MED26: variants seen among roughly 807,000 people sequenced by gnomAD.
MED26 encodes the protein mediator of RNA polymerase II transcription subunit 26.
A neutral mutation model predicts 43.7 loss-of-function variants in MED26; 7 were observed. That is an observed-to-expected ratio of 0.16 (90% CI 0.09 to 0.30). The LOEUF (loss-of-function observed/expected upper bound fraction) is 0.30, where lower values mean the gene tolerates loss of function less well. Ranked by LOEUF, MED26 falls within the 10% of genes least tolerant of loss-of-function variation. The pLI is 1.00. For missense variants in MED26, 784 were observed against 840.6 expected (o/e 0.93, Z 0.83); for synonymous variants, 375 against 371.1 (o/e 1.01, Z -0.12).
chr19:16,577,351 C>T lies in MED26; in HGVS notation c.479G>A (p.Gly160Glu), dbSNP rs200593026. The T allele has an allele frequency of 6.2e-7, 1 of 1,611,674 alleles. No homozygotes were observed. The highest frequency in any genetic ancestry group is 8.5e-7 in the Non-Finnish European group (1 of 1,179,128). ...RGDQRDLGHP[G>E]PPPKVSKASH... Reference sequence around the variant, plus strand: ...AGCTTTGGAGACCTTGGGTGGCGGCCCTGGGTGGCCGAGGTCACGCTGGTC... The same window carrying T: ...AGCTTTGGAGACCTTGGGTGGCGGCTCTGGGTGGCCGAGGTCACGCTGGTC... Residue 160 changes from glycine to glutamate, a missense_variant, in exon 3 of 3, where the codon GGG (glycine) becomes GAG (glutamate). Physicochemically the swap from Gly to Glu is moderately conservative, Grantham distance 98. This residue lies in a region of MED26 where 719 missense variants were observed against 730.9 expected (regional missense o/e 0.98). Coordinates refer to ENST00000263390, the MANE Select transcript of MED26 (RefSeq NM_004831.5). The surrounding 1 kb of genome is among the most constrained non-coding windows in gnomAD (Gnocchi z 8.1).
chr19:16,595,357 G>A (rs1474753485), intron 1 of MED26, among the ~76,000 whole-genome samples: 2 of 152,152 alleles, frequency 1.3e-5, no homozygotes, highest in African/African-American at 4.8e-5. Context: ...TGACTTGATT[G>A]TGCACGTGCT....
Position 16,576,125 on chromosome 19 carries a change from T to C in MED26, c.1705A>G (p.Thr569Ala), listed in dbSNP as rs746190304. 1.9e-6 allele frequency: 3 copies of C among 1,613,998 alleles called. No homozygotes were observed. Among genetic ancestry groups the C allele is most frequent in the South Asian group, 2.2e-5 (2 of 91,092 alleles). ...QWPGVNGCQDTQGNWYDWTQC... is the reference protein window; with the variant it reads ...QWPGVNGCQDAQGNWYDWTQC... ...GTCCAGTCATACCAGTTACCCTGTG[T>C]GTCCTGACACCCGTTCACCCCCGGC... Residue 569 changes from threonine to alanine, a missense_variant, in exon 3 of 3, where the codon ACA becomes GCA. This residue lies in a region of MED26 where 719 missense variants were observed against 730.9 expected (regional missense o/e 0.98). Transcript: ENST00000263390. The surrounding 1 kb of genome is among the most constrained non-coding windows in gnomAD (Gnocchi z 6.8).
chr19:16,578,268 G>T, intron 2 of MED26, 67 bp downstream of exon 2: 1 of 1,408,176 alleles, frequency 7.1e-7, no homozygotes, highest in Non-Finnish European at 1.0e-6. Context: ...GCTGCGGAAG[G>T]ACCTGGTTGG....
Position 16,576,883 on chromosome 19 carries a change from A to C in MED26, c.947T>G (p.Leu316Arg), listed in dbSNP as rs759010042. ...GGGTGTGGACGGCTGTGCCAGTGGA[A>C]GCGGTGACGGCACCTGTGTGGCATC... Reference protein sequence around the residue: ...ALDATQVPSPLPLAQPSTPPV... With the variant: ...ALDATQVPSPRPLAQPSTPPV... Residue 316 changes from leucine (L) to arginine (R), a missense_variant, in exon 3 of 3, where the codon CTT (leucine) becomes CGT (arginine). Physicochemically the swap from Leu to Arg is moderately radical, Grantham distance 102. Coordinates refer to ENST00000263390, the MANE Select transcript of MED26 (RefSeq NM_004831.5). This position sits in a 1 kb window ranked among gnomAD's most constrained non-coding sequence, Gnocchi z 6.8. 5.3e-5 allele frequency: 86 copies of C among 1,608,422 alleles called. No homozygotes were observed. The highest frequency in any genetic ancestry group is 6.8e-6 in the Non-Finnish European group (8 of 1,177,254).
At chr19:16,579,890 C>CT (rs2086035985) in intron 1 of MED26, among the ~76,000 whole-genome samples, 1 of 152,216 alleles carries the variant, frequency 6.6e-6, no homozygotes, top group Non-Finnish European at 1.5e-5. Context: ...CAAAACCAAA[C>CT]TGACAGTGGT....
chr19:16,579,706 C>G (rs528756983), intron 1 of MED26, among the ~76,000 whole-genome samples: 2 of 152,196 alleles, frequency 1.3e-5, no homozygotes, highest in East Asian at 1.9e-4. Flanking sequence ...AACTCCCCCC[C>G]ACCCCAACAT....
intron 1 of MED26, among the ~76,000 whole-genome samples, chr19:16,594,662 C>A (rs755644157): frequency 2.6e-5 from 4 of 152,052 alleles, no homozygotes; most frequent in Non-Finnish European, 5.9e-5. Flanking sequence ...GGGGAAAAAA[C>A]CAGAACTTTC....
intron 1 of MED26, chr19:16,588,331 T>C (rs1162069242): frequency 6.6e-6 from 1 of 152,252 alleles, no homozygotes; most frequent in Non-Finnish European, 1.5e-5. Context: ...GCTCGGCCCA[T>C]ATATGTTCCG....
chr19:16,606,471 C>A (rs1023685967), intron 1 of MED26, among the ~76,000 whole-genome samples: 1 of 152,174 alleles, frequency 6.6e-6, no homozygotes, highest in African/African-American at 2.4e-5. Flanking sequence ...ATTGCTTGAA[C>A]CCGGGAGGCA....
intron 1 of MED26, among the ~76,000 whole-genome samples, chr19:16,598,403 C>T (rs1903424788): frequency 6.6e-6 from 1 of 151,770 alleles, no homozygotes; most frequent in Non-Finnish European, 1.5e-5. Context: ...ACCCCACCCC[C>T]AGAAGGTCGG....
At chr19:16,627,405 A>C (rs1387345779) in intron 1 of MED26, among the ~76,000 whole-genome samples, 1 of 152,132 alleles carries the variant, frequency 6.6e-6, no homozygotes, top group Non-Finnish European at 1.5e-5. Flanking sequence ...GGGAAGAAGG[A>C]CTTCCCTGAT....
chr19:16,579,690 T>C lies in MED26; in HGVS notation c.73-1281A>G, dbSNP rs2086034795. Among the ~76,000 whole-genome samples the C allele has an allele frequency of 3.3e-5, 5 of 152,032 alleles. No individual in the cohort carries two copies. The South Asian group carries it at 1.0e-3, about 32-fold the overall frequency. ...CCCTGAGGAAACCACAGTGAGTAGA[T>C]TACTCAACTCCCCCCCACCCCAACA... is the stretch of plus-strand genomic sequence containing the variant. On this transcript the variant is annotated intron_variant, in intron 1 of 2. Transcript: ENST00000263390.
intron 1 of MED26, among the ~76,000 whole-genome samples, chr19:16,585,256 G>A (rs62116874): frequency 2.4e-3 from 370 of 152,240 alleles, no homozygotes; most frequent in Non-Finnish European, 4.0e-3. Flanking sequence ...GTGTCCTCAC[G>A]CCTCTCTTCT....
intron 1 of MED26, among the ~76,000 whole-genome samples, chr19:16,593,331 G>A (rs920862010): frequency 4.6e-5 from 7 of 152,146 alleles, no homozygotes; most frequent in Admixed American, 3.9e-4. Context: ...CTCCTCCCCT[G>A]GTCATCTGGC....
chr19:16,590,174 A>G (rs1304864847), intron 1 of MED26, among the ~76,000 whole-genome samples: 1 of 152,200 alleles, frequency 6.6e-6, no homozygotes, highest in East Asian at 1.9e-4. Flanking sequence ...GGCAGCACCC[A>G]CTGGGCATGG....
intron 1 of MED26, among the ~76,000 whole-genome samples, chr19:16,625,994 A>G (rs1267120871): frequency 6.6e-6 from 1 of 152,198 alleles, no homozygotes. Context: ...TAACATAACC[A>G]GGGACCTATA....
At chr19:16,608,734 G>A (rs951350779) in intron 1 of MED26, among the ~76,000 whole-genome samples, 2 of 152,220 alleles carry the variant, frequency 1.3e-5, no homozygotes, top group Non-Finnish European at 2.9e-5. Flanking sequence ...GTCTCTGGCT[G>A]CTTTTGTGCT....
At chr19:16,625,721 C>G (rs1284142966) in intron 1 of MED26, among the ~76,000 whole-genome samples, 1 of 152,154 alleles carries the variant, frequency 6.6e-6, no homozygotes, top group Non-Finnish European at 1.5e-5. Context: ...CTGACATGCC[C>G]GGCTCTCACC....
At chr19:16,590,341 T>C (rs2086090088) in intron 1 of MED26, among the ~76,000 whole-genome samples, 2 of 152,190 alleles carry the variant, frequency 1.3e-5, no homozygotes, top group Admixed American at 6.5e-5. Context: ...CCTAACCTGC[T>C]ACCCCATGCA....
Sources: allele counts gnomAD v4.1 joint callset (sites outside exome capture counted in the v4.1 genomes callset), GRCh38; gene constraint gnomAD v4.1.1; regional missense constraint gnomAD v4.1.1; non-coding constraint Gnocchi (gnomAD v3.1); transcripts MANE v1.5; gene names NCBI Gene and HGNC (gene_info 2026-07-23, HGNC 2026-07-21).